KNDC1: variants seen among roughly 807,000 people sequenced by gnomAD.
The protein encoded by KNDC1 is kinase non-catalytic C-lobe domain-containing protein 1.
A neutral mutation model predicts 172.8 loss-of-function variants in KNDC1; 106 were observed. The ratio of observed to expected loss-of-function variants is 0.61; its 90% CI spans 0.52 to 0.72. The LOEUF is 0.72. Among genes scored for constraint, KNDC1 ranks in the 30% least tolerant of loss-of-function variants. The pLI is 0.00. For synonymous variants in KNDC1, 1,083 were observed against 1,062.2 expected, an observed-to-expected ratio of 1.02 and a Z score of -0.38; for missense variants, 2,325 against 2,394.5, an observed-to-expected ratio of 0.97 and a Z score of 0.61.
chr10:133,181,396 G>A (rs529555970), intron 3 of KNDC1, among the ~76,000 whole-genome samples: 23 of 152,362 alleles, frequency 1.5e-4, no homozygotes, highest in South Asian at 4.1e-4. Flanking sequence ...AGCAGCTATC[G>A]GGGCTCCTGG....
rs1378592591 is a variant in KNDC1, at chr10:133,220,003, C to G, written c.4909C>G (p.Arg1637Gly). ...SLCLMEGRRF[R>G]AQPTLPSAHL... is the part of the protein sequence containing the mutation. ...GTGTCTGATGGAAGGGCGGCGCTTCCGGGCGCAGCCCACCCTGCCCTCGGC... is the reference window on the plus strand; with the variant it reads ...GTGTCTGATGGAAGGGCGGCGCTTCGGGGCGCAGCCCACCCTGCCCTCGGC... The change falls in exon 29 of 30, where the codon CGG becomes GGG. Residue 1637 changes from arginine (R) to glycine (G), a missense_variant. Transcript: ENST00000304613. 1.3e-6 allele frequency: 2 copies of G among 1,553,742 alleles called. No homozygotes were observed. The highest frequency in any genetic ancestry group is 2.4e-5 in the South Asian group (2 of 84,280).
intron 28 of KNDC1, 24 bp from the exon 29 acceptor site, chr10:133,219,931 C>T: frequency 1.9e-6 from 3 of 1,544,158 alleles, no homozygotes; most frequent in Non-Finnish European, 1.7e-6. Flanking sequence ...CTCTCCCCGG[C>T]CCACGCCCCG....
chr10:133,164,910 C>T (rs1853099093), intron 1 of KNDC1, among the ~76,000 whole-genome samples: 1 of 152,204 alleles, frequency 6.6e-6, no homozygotes, highest in South Asian at 2.1e-4. Context: ...CCTCTTAGGC[C>T]TGTCTGACCC....
In KNDC1 at chr10:133,201,513, C is replaced by A; in HGVS notation, c.3002C>A (p.Pro1001Gln). The change falls in exon 17 of 30, where the codon CCA (proline) becomes CAA (glutamine). Residue 1001 changes from proline to glutamine, a missense_variant. Coordinates refer to ENST00000304613, the MANE Select transcript of KNDC1 (RefSeq NM_152643.8). The part of the protein sequence containing the change: ...PSLHRLGKEK[P>Q]AMARTSSRAP... ...TCTTTCTTTCAAGGAAAAGAGAAGC[C>A]AGCCATGGCCAGGACCAGCAGCAGG... 6.3e-7 allele frequency: 1 copy of A among 1,595,712 alleles called. No individual in the cohort carries two copies. Among genetic ancestry groups the A allele is most frequent in the South Asian group, 1.1e-5 (1 of 89,112 alleles).
Position 133,224,952 on chromosome 10 carries a change from G to C in KNDC1, c.*62G>C, listed in dbSNP as rs775353336. The C allele has an allele frequency of 3.7e-6, 5 of 1,358,900 alleles. No individual in the cohort carries two copies. Among genetic ancestry groups the C allele is most frequent in the Non-Finnish European group, 5.2e-6 (5 of 963,740 alleles). 84.2% of individuals were successfully genotyped at this position (1,358,900 alleles called of 1,614,324 possible). A position where few individuals can be genotyped will look rare whatever the true frequency, so the allele number is the denominator to read the frequency against. ...TCCGACTGTGGGGGGCGGGCTGGGA[G>C]GTGGGAGCCGCGTCTCAGGCCCGGC... On this transcript the variant is annotated 3_prime_UTR_variant, in exon 30 of 30. Transcript: ENST00000304613. The surrounding 1 kb of genome is among the most constrained non-coding windows in gnomAD (Gnocchi z 5.4).
chr10:133,182,929 TGTGGGCACAGGC>T (rs1853760890), intron 3 of KNDC1, among the ~76,000 whole-genome samples: 204 of 8,404 alleles, frequency 0.024, 2 homozygotes, highest in African/African-American at 0.055. Flanking sequence ...GCACGGACGG[TGTGGGCACAGGC>T]GGTGTGGGCA....
At position 133,224,023 on chromosome 10, in the gene KNDC1, C is replaced by T. The variant is rs930911333; in HGVS notation, c.5019-636C>T. Reference sequence around the variant, plus strand: ...AGAGCCCATCCAGGCATGCTCTTCCCGGCGTGTGTGTGTGTGAGAGCCCAT... The same window carrying T: ...AGAGCCCATCCAGGCATGCTCTTCCTGGCGTGTGTGTGTGTGAGAGCCCAT... On this transcript the variant is annotated intron_variant, in intron 29 of 29. Transcript: ENST00000304613. The surrounding 1 kb of genome is among the most constrained non-coding windows in gnomAD (Gnocchi z 5.4). Among the ~76,000 whole-genome samples the T allele has an allele frequency of 2.7e-5, 4 of 147,276 alleles. No individual in the cohort carries two copies. The highest frequency in any genetic ancestry group is 4.5e-5 in the Non-Finnish European group (3 of 67,062).
chr10:133,196,847 G>A (rs1854205762), intron 10 of KNDC1, among the ~76,000 whole-genome samples: 1 of 152,200 alleles, frequency 6.6e-6, no homozygotes. Context: ...TGCCCTCCCA[G>A]GGAGCCTGGG....
intron 6 of KNDC1, among the ~76,000 whole-genome samples, chr10:133,187,209 C>T (rs1156945798): frequency 6.6e-6 from 1 of 152,248 alleles, no homozygotes; most frequent in Non-Finnish European, 1.5e-5. Flanking sequence ...TGCGGCTGCC[C>T]GGACGTGGCC....
At chr10:133,181,329 C>T (rs534124752) in intron 3 of KNDC1, among the ~76,000 whole-genome samples, 8 of 152,360 alleles carry the variant, frequency 5.3e-5, no homozygotes, top group Middle Eastern at 3.4e-3. Context: ...GGCCCAGGCA[C>T]GAGAGGCTGG....
At chr10:133,166,425 CACCAA>C (rs1853155107) in intron 1 of KNDC1, among the ~76,000 whole-genome samples, 1 of 151,642 alleles carries the variant, frequency 6.6e-6, no homozygotes, top group African/African-American at 2.4e-5. Flanking sequence ...AGGGTGTGTG[CACCAA>C]GTGTGGGAAT....
intron 9 of KNDC1, among the ~76,000 whole-genome samples, chr10:133,190,167 G>C (rs1329182892): frequency 6.6e-6 from 1 of 152,136 alleles, no homozygotes; most frequent in Non-Finnish European, 1.5e-5. Context: ...TCAAAATCAA[G>C]GTAAAACTTC....
rs1296235598 is a variant in KNDC1, at chr10:133,160,433, G to C, written c.-35G>C. 1.4e-6 allele frequency: 2 copies of C among 1,414,094 alleles called. No homozygotes were observed. The highest frequency in any genetic ancestry group is 1.5e-5 in the African/African-American group (1 of 66,632). The allele number at this position is 1,414,094 out of a possible 1,614,324, so 87.6% of individuals were successfully genotyped here. A position where few individuals can be genotyped will look rare whatever the true frequency, so the allele number is the denominator to read the frequency against. ...AGCCGAGCCCAGCCCAGCCCAGCCG[G>C]AGGCCCCGGGGGCGGTGCGCGGCGC... On this transcript the variant is annotated 5_prime_UTR_variant, in exon 1 of 30. Coordinates refer to ENST00000304613, the MANE Select transcript of KNDC1 (RefSeq NM_152643.8).
intron 20 of KNDC1, among the ~76,000 whole-genome samples, chr10:133,207,567 C>G (rs968044420): frequency 1.3e-5 from 2 of 152,248 alleles, no homozygotes; most frequent in African/African-American, 4.8e-5. Context: ...GGCCTGGGCA[C>G]CAGGTCTCAG....
In KNDC1 at chr10:133,185,992, G is replaced by C; in HGVS notation, c.644G>C (p.Trp215Ser). The C allele has an allele frequency of 1.3e-6, 2 of 1,487,106 alleles. No individual in the cohort carries two copies. Among genetic ancestry groups the C allele is most frequent in the Non-Finnish European group, 9.0e-7 (1 of 1,107,462 alleles). The allele number at this position is 1,487,106 out of a possible 1,614,324, so 92.1% of individuals were successfully genotyped here. ...GALQDVSESSWRERPAPGNAG... is the reference protein window; with the variant it reads ...GALQDVSESSSRERPAPGNAG... The stretch of plus-strand genomic sequence containing the variant: ...TGCCCAGATGTCAGCGAGAGCAGCT[G>C]GCGGGAGAGACCTGCCCCAGGAAAC... The change falls in exon 6 of 30, where the codon TGG becomes TCG. Residue 215 changes from tryptophan (W) to serine (S), a missense_variant. By Grantham distance (177) the Trp-to-Ser change is radical. Transcript: ENST00000304613.
At chr10:133,193,545 AGAAGGAAGAAAGAAG>A (rs1052354016) in intron 9 of KNDC1, among the ~76,000 whole-genome samples, 6 of 148,148 alleles carry the variant, frequency 4.1e-5, no homozygotes, top group Non-Finnish European at 9.2e-5. Context: ...TAAAGGAGGA[AGAAGGAAGAAAGAAG>A]GAAGGAAGAA....
chr10:133,197,908 C>A, intron 12 of KNDC1, 140 bp downstream of exon 12: 1 of 726,960 alleles, frequency 1.4e-6, no homozygotes, highest in South Asian at 1.5e-5. Context: ...CAACGTGGCC[C>A]ATGCAGCCCA....
At chr10:133,187,261 G>A (rs1853947148) in intron 6 of KNDC1, among the ~76,000 whole-genome samples, 1 of 152,252 alleles carries the variant, frequency 6.6e-6, no homozygotes, top group Admixed American at 6.5e-5. Flanking sequence ...GCTGCCCCTG[G>A]TCAGCTGCTC....
chr10:133,190,049 C>T (rs1016588416), intron 9 of KNDC1, among the ~76,000 whole-genome samples: 5 of 152,196 alleles, frequency 3.3e-5, no homozygotes, highest in African/African-American at 1.2e-4. Context: ...TCCTGGCTCA[C>T]GAGAACTAAG....
Sources: gnomAD v4.1 joint callset for allele counts (sites outside exome capture counted in the v4.1 genomes callset) on GRCh38, gnomAD v4.1.1 for gene constraint, Gnocchi (gnomAD v3.1) non-coding constraint, MANE v1.5 for transcripts, NCBI Gene and HGNC (gene_info 2026-07-23, HGNC 2026-07-21) for gene names.